Variants in ERICH6B observed in about 807,000 individuals in gnomAD.
ERICH6B encodes the protein glutamate rich 6B.
A neutral mutation model predicts 80.0 loss-of-function variants in ERICH6B; 69 were observed. The ratio of observed to expected loss-of-function variants is 0.86; its 90% CI spans 0.71 to 1.05. The LOEUF (loss-of-function observed/expected upper bound fraction) is 1.05, where lower values mean the gene tolerates loss of function less well. ERICH6B is among the 50% of genes least tolerant of loss of function. The pLI, the probability that ERICH6B is intolerant of heterozygous loss-of-function variation, is 0.00. For missense variants in ERICH6B, 754 were observed against 796.1 expected, an observed-to-expected ratio of 0.95 and a Z score of 0.64; for synonymous variants, 283 against 291.9, an observed-to-expected ratio of 0.97 and a Z score of 0.31.
Position 45,541,373 on chromosome 13 carries a change from G to T in ERICH6B, c.*89C>A. ...AAATTACAAACCAACTCTCATAAAA[G>T]GTCAACAGGTCTTTGGGTTTTTTTT... is the stretch of plus-strand genomic sequence containing the variant. On this transcript the variant is annotated 3_prime_UTR_variant, in exon 15 of 15. Coordinates refer to ENST00000298738, the MANE Select transcript of ERICH6B (RefSeq NM_182542.3). 1 of 1,142,604 alleles carries T rather than the reference G, an allele frequency of 8.8e-7. No homozygotes were observed. Among genetic ancestry groups the T allele is most frequent in the Non-Finnish European group, 1.2e-6 (1 of 802,420 alleles). 70.8% of individuals were successfully genotyped at this position (1,142,604 alleles called of 1,614,324 possible).
intron 1 of ERICH6B, among the ~76,000 whole-genome samples, chr13:45,608,499 C>G (rs1363810412): frequency 6.6e-6 from 1 of 152,176 alleles, no homozygotes; most frequent in South Asian, 2.1e-4. Context: ...GATCCCTAAG[C>G]CACTGCCTTG....
intron 10 of ERICH6B, among the ~76,000 whole-genome samples, chr13:45,563,420 C>G (rs549908557): frequency 1.3e-5 from 2 of 152,326 alleles, no homozygotes; most frequent in East Asian, 3.9e-4. Context: ...GAAAACACGG[C>G]TGCCCTGGGG....
At chr13:45,583,926 C>T (rs748730838) in intron 5 of ERICH6B, among the ~76,000 whole-genome samples, 13 of 152,202 alleles carry the variant, frequency 8.5e-5, no homozygotes, top group Non-Finnish European at 1.6e-4. Context: ...CTGACCTCTC[C>T]TTACACCTCT....
intron 3 of ERICH6B, among the ~76,000 whole-genome samples, chr13:45,591,173 G>T (rs1290306462): frequency 6.6e-6 from 1 of 152,220 alleles, no homozygotes; most frequent in African/African-American, 2.4e-5. Flanking sequence ...AATACAAAAT[G>T]GCAACAGGGG....
intron 5 of ERICH6B, among the ~76,000 whole-genome samples, chr13:45,583,987 G>T (rs1202797335): frequency 1.3e-5 from 2 of 152,160 alleles, no homozygotes; most frequent in East Asian, 1.9e-4. Flanking sequence ...TGTGTACGTA[G>T]TTCTATCTAC....
intron 8 of ERICH6B, among the ~76,000 whole-genome samples, chr13:45,574,179 C>T (rs1208105566): frequency 2.0e-5 from 3 of 152,074 alleles, no homozygotes; most frequent in Non-Finnish European, 2.9e-5. Context: ...TAGTCAGTAC[C>T]TACAATCTGA....
intron 11 of ERICH6B, among the ~76,000 whole-genome samples, chr13:45,551,032 A>G (rs747608053): frequency 6.6e-6 from 1 of 152,190 alleles, no homozygotes; most frequent in African/African-American, 2.4e-5. Flanking sequence ...TTCTTCTTCA[A>G]TCAGTTTTTG....
At chr13:45,545,025 A>C in intron 13 of ERICH6B, 40 bp from the exon 14 acceptor site, 2 of 1,479,804 alleles carry the variant, frequency 1.4e-6, no homozygotes, top group Non-Finnish European at 1.8e-6. Flanking sequence ...CAGGGCGCTC[A>C]GCCCTGGGCC....
chr13:45,576,937 A>AT (rs1266033164), intron 7 of ERICH6B, among the ~76,000 whole-genome samples: 3 of 152,044 alleles, frequency 2.0e-5, no homozygotes, highest in African/African-American at 7.2e-5. Flanking sequence ...AAAAAGCCTT[A>AT]TTTCTAATTA....
intron 7 of ERICH6B, among the ~76,000 whole-genome samples, chr13:45,579,143 G>A (rs890833895): frequency 2.0e-5 from 3 of 152,200 alleles, no homozygotes; most frequent in Non-Finnish European, 4.4e-5. Flanking sequence ...TTTGAACATC[G>A]TAGCTCTAAA....
intron 5 of ERICH6B, among the ~76,000 whole-genome samples, chr13:45,582,741 G>A (rs536900232): frequency 6.6e-6 from 1 of 152,212 alleles, no homozygotes; most frequent in Non-Finnish European, 1.5e-5. Context: ...TCATCTTACA[G>A]TAGCACCCAC....
At chr13:45,559,114 T>C (rs1334515846) in intron 11 of ERICH6B, among the ~76,000 whole-genome samples, 3 of 152,226 alleles carry the variant, frequency 2.0e-5, no homozygotes, top group African/African-American at 7.2e-5. Context: ...TATCTAATTC[T>C]TCCTGATTTA....
intron 9 of ERICH6B, 51 bp downstream of exon 9, chr13:45,568,264 C>T: frequency 6.8e-7 from 1 of 1,474,518 alleles, no homozygotes; most frequent in Non-Finnish European, 9.0e-7. Context: ...GCTGCCACCT[C>T]TGGCATACCC....
intron 3 of ERICH6B, among the ~76,000 whole-genome samples, chr13:45,591,459 A>G (rs1876152670): frequency 6.6e-6 from 1 of 151,972 alleles, no homozygotes; most frequent in South Asian, 2.1e-4. Flanking sequence ...AGCTGGATGT[A>G]GTGGCAGGCG....
At chr13:45,588,160 G>A (rs902691954) in intron 4 of ERICH6B, among the ~76,000 whole-genome samples, 1 of 152,190 alleles carries the variant, frequency 6.6e-6, no homozygotes, top group South Asian at 2.1e-4. Context: ...GGTAAGGGCT[G>A]GAGTCTGGGT....
At chr13:45,584,808 G>A (rs1280602177) in intron 5 of ERICH6B, among the ~76,000 whole-genome samples, 2 of 152,190 alleles carry the variant, frequency 1.3e-5, no homozygotes, top group African/African-American at 4.8e-5. Context: ...AAGTGACCAG[G>A]CGGCTTCTTC....
intron 13 of ERICH6B, among the ~76,000 whole-genome samples, chr13:45,547,891 G>A (rs1462867974): frequency 6.6e-6 from 1 of 152,216 alleles, no homozygotes; most frequent in Non-Finnish European, 1.5e-5. Flanking sequence ...TTAGAGATCT[G>A]CTCCTGCCTG....
chr13:45,546,564 C>G (rs1873999370), intron 13 of ERICH6B, among the ~76,000 whole-genome samples: 1 of 152,310 alleles, frequency 6.6e-6, no homozygotes, highest in South Asian at 2.1e-4. Flanking sequence ...ACATTCCTTC[C>G]AGGGCACGTG....
intron 13 of ERICH6B, among the ~76,000 whole-genome samples, chr13:45,545,720 A>C (rs996641522): frequency 5.9e-5 from 9 of 152,324 alleles, no homozygotes; most frequent in South Asian, 2.1e-4. Context: ...CCAGCCCCAG[A>C]GCTGCAGCTT....
Sources: gnomAD v4.1 joint callset for allele counts (sites outside exome capture counted in the v4.1 genomes callset) on GRCh38, gnomAD v4.1.1 for gene constraint, MANE v1.5 for transcripts, NCBI Gene and HGNC (gene_info 2026-07-23, HGNC 2026-07-21) for gene names.